The following PDE4D variants were observed in gnomAD, a reference collection of about 807,000 sequenced individuals.
PDE4D encodes the protein phosphodiesterase 4D, also known as 3',5'-cyclic-AMP phosphodiesterase 4D.
Under a neutral mutation model 87.4 loss-of-function variants are expected in PDE4D, and 24 were observed. The observed-to-expected ratio is 0.27, with a 90% CI of 0.20 to 0.39. PDE4D has a LOEUF of 0.39. Ranked by LOEUF, PDE4D falls within the 10% of genes least tolerant of loss-of-function variation. The pLI, the probability that PDE4D is intolerant of heterozygous loss-of-function variation, is 1.00. For synonymous variants in PDE4D, 384 were observed against 383.2 expected, an observed-to-expected ratio of 1.00 and a Z score of -0.02; for missense variants, 714 against 1,041.0, an observed-to-expected ratio of 0.69 and a Z score of 4.32.
chr5:59,313,510 T>C (rs1337153841), intron 1 of PDE4D, among the ~76,000 whole-genome samples: 2 of 151,534 alleles, frequency 1.3e-5, no homozygotes, highest in Admixed American at 1.3e-4. Flanking sequence ...CACACTTATT[T>C]GGACAAGACC....
Position 59,893,384 on chromosome 5 carries a change from G to T in PDE4D, c.239C>A (p.Pro80His), listed in dbSNP as rs777036225. The change falls in exon 1 of 15, where the codon CCC becomes CAC. Residue 80 changes from proline to histidine, a missense_variant. Transcript: ENST00000340635. ...QCPLQPPPPP[P>H]LPPPPPPPGA... is the part of the protein sequence containing the mutation. ...GGGCGGCGGCGGGGGCGGCGGCAGGGGGGGCGGCGGCGGCGGCTGTAGCGG... is the reference window on the plus strand; with the variant it reads ...GGGCGGCGGCGGGGGCGGCGGCAGGTGGGGCGGCGGCGGCGGCTGTAGCGG... 1.0e-5 allele frequency: 13 copies of T among 1,262,966 alleles called. No homozygotes were observed. Among genetic ancestry groups the T allele is most frequent in the Admixed American group, 3.9e-5 (1 of 25,658 alleles). 78.2% of individuals were successfully genotyped at this position (1,262,966 alleles called of 1,614,324 possible).
At chr5:60,430,089 G>A in intron 1 of PDE4D, 1 of 524,244 alleles carries the variant, frequency 1.9e-6, no homozygotes, top group African/African-American at 1.9e-5. Context: ...TGGTATCAAA[G>A]TGTGCATCTG....
chr5:59,973,638 C>A (rs1761015755), intron 3 of PDE4D, among the ~76,000 whole-genome samples: 1 of 152,054 alleles, frequency 6.6e-6, no homozygotes, highest in South Asian at 2.1e-4. Context: ...AGATATGAGT[C>A]TTGGTCTTTA....
At chr5:59,348,283 C>T (rs1177555835) in intron 1 of PDE4D, among the ~76,000 whole-genome samples, 1 of 152,112 alleles carries the variant, frequency 6.6e-6, no homozygotes, top group African/African-American at 2.4e-5. Context: ...TTTGGGGCAA[C>T]TTATATCTAC....
intron 1 of PDE4D, among the ~76,000 whole-genome samples, chr5:59,545,496 C>G (rs1817117913): frequency 2.0e-5 from 3 of 152,164 alleles, no homozygotes; most frequent in Admixed American, 2.0e-4. Context: ...CAAATTAGCT[C>G]TGTTTCCCAA....
intron 2 of PDE4D, among the ~76,000 whole-genome samples, chr5:60,145,845 T>C (rs757561449): frequency 2.6e-5 from 4 of 152,232 alleles, no homozygotes. Flanking sequence ...AAACATCTTA[T>C]AAATAAGATA....
intron 1 of PDE4D, among the ~76,000 whole-genome samples, chr5:59,834,298 C>G (rs779790981): frequency 1.4e-4 from 22 of 151,982 alleles, no homozygotes; most frequent in Non-Finnish European, 2.6e-4. Context: ...CCCATCTTAC[C>G]CATCGAAAGA....
chr5:60,467,270 C>T (rs936550102), intron 1 of PDE4D, among the ~76,000 whole-genome samples: 6 of 152,108 alleles, frequency 3.9e-5, no homozygotes, highest in Non-Finnish European at 8.8e-5. Context: ...GAACTCTTTA[C>T]CTTGTGATCT....
rs182533585 is a variant in PDE4D, at chr5:59,300,646, C to T, written c.456-84678G>A. ...TCTCACACCACAAAAATCATCAACA[C>T]AGATGAAGCCTTCTACGAACAAACA... On this transcript the variant is annotated intron_variant, in intron 1 of 14. Transcript: ENST00000340635. Among the ~76,000 whole-genome samples, 15 of 152,262 alleles carry T rather than the reference C, an allele frequency of 9.9e-5. No homozygotes were observed. In the East Asian group the frequency reaches 2.1e-3, roughly 22 times the overall value.
chr5:60,113,581 G>A (rs532246428), intron 2 of PDE4D, among the ~76,000 whole-genome samples: 7 of 152,120 alleles, frequency 4.6e-5, no homozygotes, highest in Non-Finnish European at 1.0e-4. Flanking sequence ...GTCCTTTGGG[G>A]GCCATACATG....
rs181099156 is a variant in PDE4D at position 59,267,320 on chromosome 5, C to A, written c.456-51352G>T. 3.9e-5 allele frequency among the ~76,000 whole-genome samples: 6 copies of A among 152,174 alleles called. No individual in the cohort carries two copies. In the East Asian group the frequency reaches 1.2e-3, roughly 29 times the overall value. On this transcript the variant is annotated intron_variant, in intron 1 of 14. Coordinates refer to ENST00000340635, the MANE Select transcript of PDE4D (RefSeq NM_001104631.2). The stretch of plus-strand genomic sequence containing the variant: ...TCTGTGCCACATTGCAATGGAATGA[C>A]ATCCTGAATGTTAGGAATTATTATT...
At chr5:59,373,262 G>A (rs1268865985) in intron 1 of PDE4D, among the ~76,000 whole-genome samples, 1 of 152,120 alleles carries the variant, frequency 6.6e-6, no homozygotes, top group African/African-American at 2.4e-5. Flanking sequence ...GAAACCCAAC[G>A]GAAGGAAGCT....
chr5:60,169,826 T>C (rs1783256409), intron 2 of PDE4D, among the ~76,000 whole-genome samples: 1 of 151,274 alleles, frequency 6.6e-6, no homozygotes, highest in African/African-American at 2.4e-5. Context: ...GAGAATGCAA[T>C]AACAATAATT....
chr5:60,443,907 G>A (rs2150138341), intron 1 of PDE4D, among the ~76,000 whole-genome samples: 1 of 152,178 alleles, frequency 6.6e-6, no homozygotes, highest in Middle Eastern at 3.4e-3. Flanking sequence ...ACACATCAAT[G>A]TGGACAGCTT....
chr5:60,419,156 T>A (rs906947594), intron 1 of PDE4D, among the ~76,000 whole-genome samples: 1 of 151,716 alleles, frequency 6.6e-6, no homozygotes, highest in Non-Finnish European at 1.5e-5. Context: ...ATCCTACAGA[T>A]ATACTGGCAT....
At chr5:60,293,841 T>G (rs1366976143) in intron 1 of PDE4D, among the ~76,000 whole-genome samples, 1 of 152,206 alleles carries the variant, frequency 6.6e-6, no homozygotes, top group Non-Finnish European at 1.5e-5. Context: ...TTGATTCTCT[T>G]TTGATTAATA....
chr5:59,937,860 A>G (rs1756770062), intron 3 of PDE4D, among the ~76,000 whole-genome samples: 1 of 152,218 alleles, frequency 6.6e-6, no homozygotes, highest in Admixed American at 6.5e-5. Context: ...CTGGCTCAAG[A>G]GACCATACTT....
At chr5:59,946,815 C>T (rs1382267302) in intron 3 of PDE4D, among the ~76,000 whole-genome samples, 2 of 152,174 alleles carry the variant, frequency 1.3e-5, no homozygotes, top group East Asian at 3.8e-4. Context: ...TATCATGATA[C>T]CCATCCTGAA....
chr5:59,954,494 A>C (rs1758626979), intron 3 of PDE4D, among the ~76,000 whole-genome samples: 1 of 151,918 alleles, frequency 6.6e-6, no homozygotes, highest in Non-Finnish European at 1.5e-5. Flanking sequence ...TTTAGACCTA[A>C]AATTGTAGGG....
Sources: gnomAD v4.1 joint callset for allele counts (sites outside exome capture counted in the v4.1 genomes callset) on GRCh38, gnomAD v4.1.1 for gene constraint, MANE v1.5 for transcripts, NCBI Gene and HGNC (gene_info 2026-07-23, HGNC 2026-07-21) for gene names.